Variants in PALS1 observed in about 807,000 individuals in gnomAD.
PALS1 encodes the protein protein associated with LIN7 1, MAGUK p55 family member, also known as protein PALS1.
PALS1 carries 31 observed loss-of-function variants against 78.9 expected under a neutral mutation model. The observed-to-expected ratio is 0.39, with a 90% CI of 0.30 to 0.53. PALS1 has a LOEUF of 0.53. PALS1 is among the 20% of genes least tolerant of loss of function. The probability of loss-of-function intolerance (pLI) is 0.67; values close to 1 mark genes in which losing one functional copy is unlikely to be tolerated. For synonymous variants in PALS1, 276 were observed against 270.9 expected, an observed-to-expected ratio of 1.02 and a Z score of -0.18; for missense variants, 704 against 826.5, an observed-to-expected ratio of 0.85 and a Z score of 1.82.
intron 1 of PALS1, among the ~76,000 whole-genome samples, chr14:67,243,354 A>G (rs892320722): frequency 1.4e-5 from 2 of 147,670 alleles, no homozygotes; most frequent in Non-Finnish European, 3.0e-5. Context: ...CACCTGGCTA[A>G]TTTTTGTATT....
intron 1 of PALS1, among the ~76,000 whole-genome samples, chr14:67,247,245 T>A (rs367863704): frequency 1.3e-5 from 2 of 152,244 alleles, no homozygotes; most frequent in East Asian, 3.8e-4. Flanking sequence ...AATACTTTAT[T>A]AAGTCTATAC....
At chr14:67,331,759 C>T (rs2085452954) in intron 14 of PALS1, among the ~76,000 whole-genome samples, 2 of 152,046 alleles carry the variant, frequency 1.3e-5, no homozygotes, top group Non-Finnish European at 2.9e-5. Context: ...AACTCCAATA[C>T]CACAAAGTTT....
At chr14:67,277,577 T>G (rs1373640240) in intron 2 of PALS1, among the ~76,000 whole-genome samples, 1 of 152,062 alleles carries the variant, frequency 6.6e-6, no homozygotes, top group Non-Finnish European at 1.5e-5. Context: ...GGTTTATTAC[T>G]GTAAATATTA....
At chr14:67,281,160 G>A (rs1329430149) in intron 3 of PALS1, among the ~76,000 whole-genome samples, 2 of 151,834 alleles carry the variant, frequency 1.3e-5, no homozygotes, top group Admixed American at 6.6e-5. Context: ...ACCTTCCAAA[G>A]TGCTGGGATT....
At chr14:67,260,760 A>G (rs1001265241) in intron 1 of PALS1, among the ~76,000 whole-genome samples, 1 of 152,226 alleles carries the variant, frequency 6.6e-6, no homozygotes, top group African/African-American at 2.4e-5. Flanking sequence ...AATAAGTGCT[A>G]TAAGAGTTGA....
rs369724869 is a variant in PALS1 at position 67,290,637 on chromosome 14, A to G, written c.368-1874A>G. 2.1e-3 allele frequency among the ~76,000 whole-genome samples: 323 copies of G among 151,972 alleles called. 1 individual carries two copies. Among genetic ancestry groups the G allele is most frequent in the African/African-American group, 7.1e-3 (296 of 41,432 alleles). ...GGTCTCAAACTGCTGAGCTCAAGCA[A>G]TCTGTTCACCTCAGCATCCCAAAGT... On this transcript the variant is annotated intron_variant, in intron 3 of 14. Coordinates refer to ENST00000261681, the MANE Select transcript of PALS1 (RefSeq NM_022474.4).
intron 1 of PALS1, among the ~76,000 whole-genome samples, chr14:67,259,625 A>ATGCT: frequency 6.6e-6 from 1 of 152,048 alleles, no homozygotes; most frequent in East Asian, 1.9e-4. Flanking sequence ...AAATACATGA[A>ATGCT]TGCTTGCATG....
intron 4 of PALS1, among the ~76,000 whole-genome samples, chr14:67,296,637 C>A (rs1566559041): frequency 1.4e-5 from 2 of 147,964 alleles, no homozygotes; most frequent in Non-Finnish European, 3.0e-5. Flanking sequence ...TCCTGAAGGC[C>A]ATTAATAAAT....
chr14:67,300,245 T>C (rs917679561), intron 4 of PALS1, among the ~76,000 whole-genome samples: 19 of 152,098 alleles, frequency 1.2e-4, no homozygotes, highest in African/African-American at 4.1e-4. Context: ...AAAATTATCA[T>C]CTCTTGGGTT....
chr14:67,246,955 T>C (rs2083997617), intron 1 of PALS1, among the ~76,000 whole-genome samples: 1 of 152,198 alleles, frequency 6.6e-6, no homozygotes, highest in East Asian at 1.9e-4. Context: ...CAGCCTACTA[T>C]AGCTTTAAAA....
chr14:67,314,350 CATA>C (rs2085137131), intron 9 of PALS1, among the ~76,000 whole-genome samples: 2 of 152,186 alleles, frequency 1.3e-5, no homozygotes, highest in African/African-American at 2.4e-5. Context: ...GAGATTTCAA[CATA>C]ATATTTACAT....
intron 3 of PALS1, among the ~76,000 whole-genome samples, chr14:67,282,146 A>G (rs2084615875): frequency 6.6e-6 from 1 of 152,202 alleles, no homozygotes; most frequent in African/African-American, 2.4e-5. Flanking sequence ...TGTCAGTCAT[A>G]GCCTCAGGTT....
intron 3 of PALS1, among the ~76,000 whole-genome samples, chr14:67,284,547 TAAAAAAAAAAAAAAAAAAAAAAAAAAA>T (rs36207191): frequency 3.4e-4 from 8 of 23,296 alleles, no homozygotes; most frequent in Admixed American, 1.0e-3. Flanking sequence ...GCTGCAGTGC[TAAAAAAAAAAAAAAAAAAAAAAAAAAA>T]AAAAAAAAAA....
intron 1 of PALS1, among the ~76,000 whole-genome samples, chr14:67,259,370 G>T (rs2084196342): frequency 1.3e-5 from 2 of 151,772 alleles, no homozygotes; most frequent in African/African-American, 4.8e-5. Flanking sequence ...CAGCACTTTG[G>T]GAGGCCAAGG....
At chr14:67,286,294 T>C (rs1454585425) in intron 3 of PALS1, among the ~76,000 whole-genome samples, 2 of 152,194 alleles carry the variant, frequency 1.3e-5, no homozygotes, top group African/African-American at 4.8e-5. Flanking sequence ...TCTGTCCATG[T>C]GGTTCCTTCT....
In PALS1 at chr14:67,332,898, G is replaced by C; in HGVS notation, c.1970G>C (p.Arg657Thr). ...DLDKAYQELL[R>T]LINKLDTEPQ... ...GATAAAGCCTATCAGGAATTGCTTAGGTTAATTAACAAACTTGATACTGAA... is the reference window on the plus strand; with the variant it reads ...GATAAAGCCTATCAGGAATTGCTTACGTTAATTAACAAACTTGATACTGAA... Residue 657 changes from arginine (R) to threonine (T), a missense_variant, in exon 15 of 15, where the codon AGG becomes ACG. Physicochemically the swap from Arg to Thr is moderately conservative, Grantham distance 71. Coordinates refer to ENST00000261681, the MANE Select transcript of PALS1 (RefSeq NM_022474.4). 3 of 1,613,956 alleles carry C rather than the reference G, an allele frequency of 1.9e-6. No individual in the cohort carries two copies. Among genetic ancestry groups the C allele is most frequent in the Non-Finnish European group, 2.5e-6 (3 of 1,179,910 alleles).
In PALS1 at chr14:67,280,849, T is replaced by TTCCC. The variant is rs1555520229; in HGVS notation, c.367+1315_367+1316insCTCC. On this transcript the variant is annotated intron_variant, in intron 3 of 14. Transcript: ENST00000261681. ...CTTCCTTCCTTCCTTCCTTCCTTCC[T>TTCCC]TCCTTCCCTCCCTCCCTCCCTCCCT... Among the ~76,000 whole-genome samples, 260 of 101,512 alleles carry TTCCC rather than the reference T, an allele frequency of 2.6e-3. 4 individuals carry two copies. The highest frequency in any genetic ancestry group is 0.015 in the African/African-American group (245 of 16,860). 66.6% of individuals were successfully genotyped at this position (101,512 alleles called of 152,430 possible). A position where few individuals can be genotyped will look rare whatever the true frequency, so the allele number is the denominator to read the frequency against.
At chr14:67,282,799 T>A (rs1253968065) in intron 3 of PALS1, among the ~76,000 whole-genome samples, 1 of 152,124 alleles carries the variant, frequency 6.6e-6, no homozygotes, top group Non-Finnish European at 1.5e-5. Flanking sequence ...CAGAGCAAAC[T>A]ACCTTGTGAG....
At chr14:67,309,514 T>G (rs2085056637) in intron 8 of PALS1, among the ~76,000 whole-genome samples, 1 of 152,190 alleles carries the variant, frequency 6.6e-6, no homozygotes, top group South Asian at 2.1e-4. Context: ...AAGTAAAGCA[T>G]GTTCTCTTCC....
Sources: gnomAD v4.1 joint callset for allele counts (sites outside exome capture counted in the v4.1 genomes callset) on GRCh38, gnomAD v4.1.1 for gene constraint, MANE v1.5 for transcripts, NCBI Gene and HGNC (gene_info 2026-07-23, HGNC 2026-07-21) for gene names.